The following IGDCC4 variants were observed in gnomAD, a reference collection of about 807,000 sequenced individuals.
IGDCC4 encodes the protein immunoglobulin superfamily DCC subclass member 4, also known as likely ortholog of mouse neighbor of Punc E11.
IGDCC4 carries 72 observed loss-of-function variants against 116.6 expected under a neutral mutation model. That is an observed-to-expected ratio of 0.62 (90% CI 0.51 to 0.75). The LOEUF (loss-of-function observed/expected upper bound fraction) is 0.75. Ranked by LOEUF, IGDCC4 falls within the 30% of genes least tolerant of loss-of-function variation. The pLI is 0.00. For missense variants in IGDCC4, 1,501 were observed against 1,662.4 expected, an observed-to-expected ratio of 0.90 and a Z score of 1.69; for synonymous variants, 709 against 719.9, an observed-to-expected ratio of 0.98 and a Z score of 0.24.
Position 65,384,830 on chromosome 15 carries a change from C to G in IGDCC4, c.3342+124G>C. The G allele has an allele frequency of 1.5e-6, 2 of 1,321,842 alleles. No homozygotes were observed. Among genetic ancestry groups the G allele is most frequent in the Non-Finnish European group, 2.0e-6 (2 of 978,454 alleles). 81.9% of individuals were successfully genotyped at this position (1,321,842 alleles called of 1,614,324 possible). A position where few individuals can be genotyped will look rare whatever the true frequency, so the allele number is the denominator to read the frequency against. On this transcript the variant is annotated intron_variant, in intron 19 of 19. Coordinates refer to ENST00000352385, the MANE Select transcript of IGDCC4 (RefSeq NM_020962.3). This position sits in a 1 kb window ranked among gnomAD's most constrained non-coding sequence, Gnocchi z 4.9. Reference sequence around the variant, plus strand: ...CAACCTTTGGAGGCTCCAGGGGTCTCCTGGCTAGACTTCTATCCCCAGGAA... The same window carrying G: ...CAACCTTTGGAGGCTCCAGGGGTCTGCTGGCTAGACTTCTATCCCCAGGAA...
chr15:65,408,945 C>T (rs920505683), intron 3 of IGDCC4, among the ~76,000 whole-genome samples: 1 of 150,910 alleles, frequency 6.6e-6, no homozygotes, highest in Non-Finnish European at 1.5e-5. Context: ...CAAGTGATCT[C>T]GCTCAGCCTT....
In IGDCC4 at chr15:65,384,513, C is replaced by T. The variant is rs2091434424; in HGVS notation, c.3343-94G>A. 4.8e-6 allele frequency: 6 copies of T among 1,246,470 alleles called. No individual in the cohort carries two copies. Among genetic ancestry groups the T allele is most frequent in the Non-Finnish European group, 5.4e-6 (5 of 917,932 alleles). 77.2% of individuals were successfully genotyped at this position (1,246,470 alleles called of 1,614,324 possible). On this transcript the variant is annotated intron_variant, in intron 19 of 19. Transcript: ENST00000352385. This position sits in a 1 kb window ranked among gnomAD's most constrained non-coding sequence, Gnocchi z 4.9. ...ACGTGGGGCAGAAAGTCTGACCCTC[C>T]ATCAGAGTAAGTATCACATGGGAGT...
chr15:65,407,801 ATT>A (rs34355872), intron 3 of IGDCC4, among the ~76,000 whole-genome samples: 2,769 of 142,778 alleles, frequency 0.019, 43 homozygotes, highest in South Asian at 0.052. Flanking sequence ...TAATTTTTGT[ATT>A]TTTTTTTTTT....
chr15:65,395,169 A>C lies in IGDCC4; in HGVS notation c.1501T>G (p.Phe501Val), dbSNP rs1450400044. Residue 501 changes from phenylalanine (F) to valine (V), a missense_variant, in exon 8 of 20, where the codon TTC (phenylalanine) becomes GTC (valine). By Grantham distance (50) the Phe-to-Val change is conservative. Coordinates refer to ENST00000352385, the MANE Select transcript of IGDCC4 (RefSeq NM_020962.3). ...RDLEPNTDYEFYVVAYSQLGA... is the reference protein window; with the variant it reads ...RDLEPNTDYEVYVVAYSQLGA... ...AGCTGGGAGTAGGCCACCACGTAGA[A>C]CTCATAATCTGTGTTGGGTTCCAGG... 1.2e-6 allele frequency: 2 copies of C among 1,613,636 alleles called. No homozygotes were observed. Among genetic ancestry groups the C allele is most frequent in the African/African-American group, 1.3e-5 (1 of 74,806 alleles).
In IGDCC4 at chr15:65,395,918, A is replaced by T; in HGVS notation, c.1243T>A (p.Cys415Ser). The change falls in exon 7 of 20, where the codon TGC becomes AGC. Residue 415 changes from cysteine (C) to serine (S), a missense_variant. By Grantham distance (112) the Cys-to-Ser change is moderately radical. Transcript: ENST00000352385. ...ACCACGGCCAGCGACGCGGCAGCGC[A>T]CGCCATTCCCGCGCTGTTCTCAGCC... ...CVAENSAGMA[C>S]AAASLAVVVR... 6.3e-7 allele frequency: 1 copy of T among 1,591,226 alleles called. No individual in the cohort carries two copies. Among genetic ancestry groups the T allele is most frequent in the Non-Finnish European group, 8.5e-7 (1 of 1,175,806 alleles).
At chr15:65,408,838 CTTTTTTT>C (rs397702487) in intron 3 of IGDCC4, among the ~76,000 whole-genome samples, 1 of 118,646 alleles carries the variant, frequency 8.4e-6, no homozygotes, top group Admixed American at 8.9e-5. Context: ...ATGTCTCTCT[CTTTTTTT>C]TTTTTTTTTT....
chr15:65,398,465 C>T (rs543622030), intron 5 of IGDCC4, among the ~76,000 whole-genome samples: 11 of 135,096 alleles, frequency 8.1e-5, no homozygotes, highest in Admixed American at 1.7e-4. Flanking sequence ...ACCCAGGAGG[C>T]GAAGGTTGCA....
Position 65,384,564 on chromosome 15 carries a change from C to A in IGDCC4, c.3343-145G>T, listed in dbSNP as rs1301168959. ...CGGTGAAGGATACACAGGAACTGTT[C>A]GAACCTATACAAAGGCAGGGAATGA... On this transcript the variant is annotated intron_variant, in intron 19 of 19. Coordinates refer to ENST00000352385, the MANE Select transcript of IGDCC4 (RefSeq NM_020962.3). This position sits in a 1 kb window ranked among gnomAD's most constrained non-coding sequence, Gnocchi z 4.9. 6.2e-6 allele frequency: 5 copies of A among 807,148 alleles called. No homozygotes were observed. The African/African-American group carries it at 8.7e-5, about 14-fold the overall frequency. The allele number at this position is 807,148 out of a possible 1,614,324, so 50.0% of individuals were successfully genotyped here.
chr15:65,395,741 C>G lies in IGDCC4; in HGVS notation c.1411+9G>C. On this transcript the variant is annotated intron_variant, in intron 7 of 19. Transcript: ENST00000352385. ...CTGCGCTGGTGCATCCCGCCCCAGG[C>G]CGACGTACCCCGTGCCTTCTGGTAG... The G allele has an allele frequency of 7.0e-7, 1 of 1,429,772 alleles. No homozygotes were observed. The allele number at this position is 1,429,772 out of a possible 1,614,324, so 88.6% of individuals were successfully genotyped here.
In IGDCC4 at chr15:65,384,912, A is replaced by C. The variant is rs774843396; in HGVS notation, c.3342+42T>G. 1 of 1,573,140 alleles carries C rather than the reference A, an allele frequency of 6.4e-7. No homozygotes were observed. The highest frequency in any genetic ancestry group is 8.6e-7 in the Non-Finnish European group (1 of 1,168,612). ...TTACTTCCTCTTCACAAGCACAGAGACCCTTTCCTCCTTTCCTGCCCCTTC... is the reference window on the plus strand; with the variant it reads ...TTACTTCCTCTTCACAAGCACAGAGCCCCTTTCCTCCTTTCCTGCCCCTTC... On this transcript the variant is annotated intron_variant, in intron 19 of 19. Coordinates refer to ENST00000352385, the MANE Select transcript of IGDCC4 (RefSeq NM_020962.3). This position sits in a 1 kb window ranked among gnomAD's most constrained non-coding sequence, Gnocchi z 4.9.
chr15:65,422,915 C>G lies in IGDCC4; in HGVS notation c.-53G>C. ...CCGCCGCCTCCCCGTGCTTCGGCCGCCGCCGCGGGGGGAGAGCGCGCCGGG... is the reference window on the plus strand; with the variant it reads ...CCGCCGCCTCCCCGTGCTTCGGCCGGCGCCGCGGGGGGAGAGCGCGCCGGG... On this transcript the variant is annotated 5_prime_UTR_variant, in exon 1 of 20. Coordinates refer to ENST00000352385, the MANE Select transcript of IGDCC4 (RefSeq NM_020962.3). 1 of 980,028 alleles carries G rather than the reference C, an allele frequency of 1.0e-6. No homozygotes were observed. The highest frequency in any genetic ancestry group is 1.2e-6 in the Non-Finnish European group (1 of 825,826). The allele number at this position is 980,028 out of a possible 1,614,324, so 60.7% of individuals were successfully genotyped here.
At position 65,411,356 on chromosome 15, in the gene IGDCC4, G is replaced by T. The variant is rs751919060; in HGVS notation, c.85C>A (p.Pro29Thr). The change falls in exon 2 of 20, where the codon CCC becomes ACC. Residue 29 changes from proline (P) to threonine (T), a missense_variant. By Grantham distance (38) the Pro-to-Thr change is conservative. Transcript: ENST00000352385. ...CTCAGCTCCACAGTCGTCTCCTGGG[G>T]CAACAGCAGCTCCCCTGCATAGAGG... ...LLAARGELLLPQETTVELSCG... is the reference protein window; with the variant it reads ...LLAARGELLLTQETTVELSCG... 2 of 1,574,048 alleles carry T rather than the reference G, an allele frequency of 1.3e-6. No homozygotes were observed.
At chr15:65,389,516 C>G in intron 13 of IGDCC4, 105 bp from the exon 14 acceptor site, 6 of 1,505,544 alleles carry the variant, frequency 4.0e-6, no homozygotes, top group Non-Finnish European at 5.5e-6. Context: ...CCAGGCTCTA[C>G]CCTGGGAAGG....
Position 65,396,090 on chromosome 15 carries a change from G to A in IGDCC4, c.1071C>T (p.Arg357=). 3 of 1,384,902 alleles carry A rather than the reference G, an allele frequency of 2.2e-6. No homozygotes were observed. The highest frequency in any genetic ancestry group is 2.8e-6 in the Non-Finnish European group (3 of 1,077,226). 85.8% of individuals were successfully genotyped at this position (1,384,902 alleles called of 1,614,324 possible). A position where few individuals can be genotyped will look rare whatever the true frequency, so the allele number is the denominator to read the frequency against. Residue 357 remains arginine (R), a synonymous_variant, in exon 7 of 20, where the codon CGC becomes CGT. Transcript: ENST00000352385. ...TRASTARFVC[R]ASGEPRPALR... Reference sequence around the variant, plus strand: ...GCGCTGGCCGCGGCTCCCCCGACGCGCGGCACACGAAGCGCGCTGTGCTCG... The same window carrying A: ...GCGCTGGCCGCGGCTCCCCCGACGCACGGCACACGAAGCGCGCTGTGCTCG...
At position 65,408,612 on chromosome 15, in the gene IGDCC4, A is replaced by T. The variant is rs180803410; in HGVS notation, c.563+1566T>A. ...TGCCAACTCCAGGAGGGAGATTTAC[A>T]GGCAGTTTCCTGTTCTTATTTGATC... On this transcript the variant is annotated intron_variant, in intron 3 of 19. Transcript: ENST00000352385. 3.3e-5 allele frequency among the ~76,000 whole-genome samples: 5 copies of T among 152,242 alleles called. 1 individual carries two copies. Among genetic ancestry groups the T allele is most frequent in the African/African-American group, 4.8e-5 (2 of 41,468 alleles).
intron 5 of IGDCC4, among the ~76,000 whole-genome samples, chr15:65,400,342 G>C (rs551306726): frequency 3.0e-4 from 45 of 152,332 alleles, no homozygotes; most frequent in Admixed American, 2.7e-3. Flanking sequence ...TATGATACCA[G>C]TCACACAAAG....
intron 1 of IGDCC4, among the ~76,000 whole-genome samples, chr15:65,421,951 A>G: frequency 6.6e-6 from 1 of 151,868 alleles, no homozygotes; most frequent in East Asian, 1.9e-4. Context: ...CTTACCCCGT[A>G]CCCACTCCGC....
chr15:65,385,589 C>A, intron 18 of IGDCC4: 1 of 609,374 alleles, frequency 1.6e-6, no homozygotes, highest in Non-Finnish European at 2.9e-6. Flanking sequence ...TCTGGCTACC[C>A]TGGGTCACCT....
chr15:65,394,364 C>G (rs530002570), intron 9 of IGDCC4, 47 bp downstream of exon 9: 5 of 1,608,886 alleles, frequency 3.1e-6, no homozygotes, highest in African/African-American at 1.3e-5. Context: ...CAGCTCTTCA[C>G]GTTGATCATT....
Sources: gnomAD v4.1 joint callset for allele counts (sites outside exome capture counted in the v4.1 genomes callset) on GRCh38, gnomAD v4.1.1 for gene constraint, Gnocchi (gnomAD v3.1) non-coding constraint, MANE v1.5 for transcripts, NCBI Gene and HGNC (gene_info 2026-07-23, HGNC 2026-07-21) for gene names.